PUM1: variants seen among roughly 807,000 people sequenced by gnomAD.
PUM1 encodes the protein pumilio RNA binding family member 1.
PUM1 carries 13 observed loss-of-function variants against 131.8 expected under a neutral mutation model. That is an observed-to-expected ratio of 0.10 (90% CI 0.06 to 0.16). The LOEUF (loss-of-function observed/expected upper bound fraction) is 0.16, where lower values mean the gene tolerates loss of function less well. PUM1 is among the 10% of genes least tolerant of loss of function. PUM1 has a pLI of 1.00. For missense variants in PUM1, 961 were observed against 1,512.4 expected (o/e 0.64, Z 6.05); for synonymous variants, 509 against 556.5 (o/e 0.91, Z 1.20).
intron 3 of PUM1, among the ~76,000 whole-genome samples, chr1:31,023,187 G>T (rs553170809): frequency 1.3e-4 from 19 of 151,466 alleles, no homozygotes; most frequent in Admixed American, 7.9e-4. Context: ...AAAAAAAAAG[G>T]CTACATTTTG....
At chr1:30,980,356 T>C (rs1372867700) in intron 8 of PUM1, among the ~76,000 whole-genome samples, 193 bp from the exon 9 acceptor site, 3 of 152,216 alleles carry the variant, frequency 2.0e-5, no homozygotes, top group Non-Finnish European at 4.4e-5. Context: ...ATGAAATGTT[T>C]ATATAGTCAA....
intron 10 of PUM1, among the ~76,000 whole-genome samples, chr1:30,970,281 T>C (rs890659065): frequency 1.3e-5 from 2 of 152,214 alleles, no homozygotes; most frequent in Non-Finnish European, 2.9e-5. Context: ...GCAACACTAA[T>C]AACCAATTAA....
intron 2 of PUM1, among the ~76,000 whole-genome samples, chr1:31,034,970 T>TA (rs1643557340): frequency 6.6e-6 from 1 of 152,126 alleles, no homozygotes; most frequent in African/African-American, 2.4e-5. Context: ...AAAGAGAATA[T>TA]AAGAATTAAT....
At chr1:30,972,187 GA>G in intron 10 of PUM1, among the ~76,000 whole-genome samples, 3 of 144,962 alleles carry the variant, frequency 2.1e-5, no homozygotes, top group Non-Finnish European at 4.5e-5. Context: ...CCTGGGAGGC[GA>G]AGGTTGCAGT....
At chr1:30,976,359 A>C (rs1003005453) in intron 9 of PUM1, among the ~76,000 whole-genome samples, 3 of 152,194 alleles carry the variant, frequency 2.0e-5, no homozygotes, top group Non-Finnish European at 2.9e-5. Context: ...TCCAAGTTGA[A>C]CTTCCTTAAA....
At chr1:30,989,430 G>A (rs936809377) in intron 7 of PUM1, among the ~76,000 whole-genome samples, 2 of 151,886 alleles carry the variant, frequency 1.3e-5, no homozygotes, top group African/African-American at 4.8e-5. Flanking sequence ...AAATTAGCCA[G>A]GCACAGTGGT....
chr1:30,966,493 T>G (rs1044827886), intron 12 of PUM1: 7 of 529,220 alleles, frequency 1.3e-5, no homozygotes, highest in Non-Finnish European at 2.3e-5. Context: ...ACAAGTTCAC[T>G]ATGCTGGTTG....
chr1:31,036,029 T>G (rs184750392), intron 2 of PUM1, among the ~76,000 whole-genome samples: 1 of 151,758 alleles, frequency 6.6e-6, no homozygotes, highest in Admixed American at 6.6e-5. Flanking sequence ...AAATTACTTG[T>G]CCAAAATCAT....
chr1:31,033,121 T>G (rs1407145056), intron 2 of PUM1, among the ~76,000 whole-genome samples: 4 of 151,756 alleles, frequency 2.6e-5, no homozygotes, highest in Non-Finnish European at 1.5e-5. Context: ...GGTGGAAATC[T>G]AAATACAGGG....
At chr1:31,057,357 CAT>C in intron 2 of PUM1, among the ~76,000 whole-genome samples, 1 of 72,642 alleles carries the variant, frequency 1.4e-5, no homozygotes, top group Non-Finnish European at 2.3e-5. Context: ...GAGCCAATAT[CAT>C]CATATCACCA....
intron 1 of PUM1, chr1:31,061,617 A>G (rs1644369751): frequency 6.6e-6 from 1 of 151,556 alleles, no homozygotes; most frequent in East Asian, 1.9e-4. Flanking sequence ...TAAATAAATA[A>G]AATAATTTTT....
At chr1:31,010,647 C>T (rs1642578794) in intron 3 of PUM1, among the ~76,000 whole-genome samples, 1 of 152,192 alleles carries the variant, frequency 6.6e-6, no homozygotes, top group Non-Finnish European at 1.5e-5. Context: ...GATCCTCCGT[C>T]CAACAACCAG....
chr1:31,039,264 G>T (rs1227274306), intron 2 of PUM1, among the ~76,000 whole-genome samples: 2 of 150,858 alleles, frequency 1.3e-5, no homozygotes, highest in Non-Finnish European at 2.9e-5. Flanking sequence ...TGTCACCCAG[G>T]CTGGAGTGCA....
intron 17 of PUM1, among the ~76,000 whole-genome samples, chr1:30,948,432 T>A (rs575741728): frequency 6.0e-4 from 90 of 151,174 alleles, no homozygotes; most frequent in African/African-American, 2.1e-3. Context: ...CAGAGAAACA[T>A]GACCAGAAAA....
chr1:30,953,906 C>T lies in PUM1; in HGVS notation c.2399G>A (p.Ser800Asn). 9 of 1,614,236 alleles carry T rather than the reference C, an allele frequency of 5.6e-6. No individual in the cohort carries two copies. Among genetic ancestry groups the T allele is most frequent in the Non-Finnish European group, 7.6e-6 (9 of 1,180,048 alleles). ...GAEAKYRSAS[S>N]ASSLFSPSST... ...GCTCGGGCTGAAGAGGCTGGAGGCG[C>T]TGCTTGCACTGCGGTACTTGGCTTC... Residue 800 changes from serine (S) to asparagine (N), a missense_variant, in exon 15 of 22, where the codon AGC becomes AAC. By Grantham distance (46) the Ser-to-Asn change is conservative (BLOSUM62 1). Around this residue, in one of 4 missense-constraint regions of PUM1, gnomAD observed 117 missense variants for 200.7 expected, o/e 0.58. Transcript: ENST00000426105.
At chr1:31,003,482 C>G (rs562766687) in intron 5 of PUM1, among the ~76,000 whole-genome samples, 259 of 152,168 alleles carry the variant, frequency 1.7e-3, no homozygotes, top group Non-Finnish European at 2.8e-3. Flanking sequence ...ACTGGCCGGG[C>G]GCGGTGGCTC....
intron 13 of PUM1, 39 bp from the exon 14 acceptor site, chr1:30,964,949 T>C (rs745887905): frequency 1.9e-6 from 3 of 1,554,220 alleles, no homozygotes; most frequent in African/African-American, 2.7e-5. Context: ...AGAACAGGCC[T>C]GTTCTTCGAA....
intron 2 of PUM1, among the ~76,000 whole-genome samples, chr1:31,033,376 CTTTTTTTTTTTTTTT>C (rs748444500): frequency 5.5e-4 from 56 of 102,552 alleles, no homozygotes; most frequent in African/African-American, 1.7e-3. Context: ...AGCTAATTTT[CTTTTTTTTTTTTTTT>C]TTTTTTTTTT....
intron 1 of PUM1, among the ~76,000 whole-genome samples, chr1:31,063,033 T>C (rs1644403511): frequency 6.6e-6 from 1 of 152,156 alleles, no homozygotes; most frequent in Non-Finnish European, 1.5e-5. Flanking sequence ...CAAAAAGTCA[T>C]AGCCCGGTTT....
Sources: gnomAD v4.1 joint callset for allele counts (sites outside exome capture counted in the v4.1 genomes callset) on GRCh38, gnomAD v4.1.1 for gene constraint, gnomAD v4.1.1 regional missense constraint, MANE v1.5 for transcripts, NCBI Gene and HGNC (gene_info 2026-07-23, HGNC 2026-07-21) for gene names.